Variants in B3GALT1 observed in about 807,000 individuals in gnomAD.
The protein encoded by B3GALT1 is beta-1,3-galactosyltransferase 1, also known as UDP-Gal:betaGlcNAc beta 1,3-galactosyltransferase, polypeptide 1.
In B3GALT1, 10 loss-of-function variants were observed where a neutral mutation model predicts 23.2. The ratio of observed to expected loss-of-function variants is 0.43; its 90% CI spans 0.27 to 0.73. B3GALT1 has a LOEUF of 0.73. Ranked by LOEUF, B3GALT1 falls within the 30% of genes least tolerant of loss-of-function variation. The pLI, the probability that B3GALT1 is intolerant of heterozygous loss-of-function variation, is 0.21. For missense variants in B3GALT1, 299 were observed against 405.4 expected, an observed-to-expected ratio of 0.74 and a Z score of 2.25; for synonymous variants, 156 against 141.5, an observed-to-expected ratio of 1.10 and a Z score of -0.73.
chr2:167,820,307 G>A (rs1199116004), intron 4 of B3GALT1, among the ~76,000 whole-genome samples: 1 of 152,242 alleles, frequency 6.6e-6, no homozygotes, highest in African/African-American at 2.4e-5. Flanking sequence ...GGTGGAACCT[G>A]CTTTAGAAAG....
chr2:167,579,023 C>T (rs372092703), intron 2 of B3GALT1, among the ~76,000 whole-genome samples: 4 of 152,122 alleles, frequency 2.6e-5, no homozygotes, highest in South Asian at 4.1e-4. Context: ...GGTAATAGGG[C>T]GAAGCACTAA....
intron 1 of B3GALT1, among the ~76,000 whole-genome samples, chr2:167,389,957 G>A (rs996863258): frequency 6.7e-6 from 1 of 149,946 alleles, no homozygotes; most frequent in African/African-American, 2.5e-5. Context: ...GAAAACCATC[G>A]CATGAGAAGA....
chr2:167,782,708 C>T (rs999416368), intron 3 of B3GALT1, among the ~76,000 whole-genome samples: 1 of 152,104 alleles, frequency 6.6e-6, no homozygotes, highest in Non-Finnish European at 1.5e-5. Context: ...ACAGGGTGTG[C>T]ATGTTAAGAT....
rs568961535 is a variant in B3GALT1 at position 167,766,654 on chromosome 2, T to C, written c.-351-52018T>C. On this transcript the variant is annotated intron_variant, in intron 3 of 4. Coordinates refer to ENST00000392690, the MANE Select transcript of B3GALT1 (RefSeq NM_020981.4). ...TTCAGAAGGAGCCAAATCATGACTA[T>C]AAAGTGGAATGCCTAATGATTTCCC... 3.9e-5 allele frequency among the ~76,000 whole-genome samples: 6 copies of C among 152,306 alleles called. No individual in the cohort carries two copies. In the East Asian group the frequency reaches 1.2e-3, roughly 29 times the overall value.
chr2:167,429,781 G>A (rs1484009930), intron 1 of B3GALT1, among the ~76,000 whole-genome samples: 1 of 152,166 alleles, frequency 6.6e-6, no homozygotes, highest in Non-Finnish European at 1.5e-5. Flanking sequence ...CAACGTCATA[G>A]GGATGTGAGG....
intron 1 of B3GALT1, among the ~76,000 whole-genome samples, chr2:167,429,484 A>G (rs903805855): frequency 1.4e-4 from 22 of 152,284 alleles, no homozygotes; most frequent in Middle Eastern, 6.8e-3. Flanking sequence ...AACATGAACC[A>G]AGTATCTAGA....
chr2:167,643,482 G>T (rs181486115), intron 2 of B3GALT1, among the ~76,000 whole-genome samples: 18 of 152,248 alleles, frequency 1.2e-4, no homozygotes, highest in Non-Finnish European at 2.5e-4. Flanking sequence ...AAGAAAAAAT[G>T]TGAAACCAAA....
Position 167,343,985 on chromosome 2 carries a change from C to T in B3GALT1, c.-511+50651C>T, listed in dbSNP as rs185557561. ...GGATCACGGTTTAAAACCTTGCCTC[C>T]AGAGAAAGAAAAGGGAGAAGGGAGT... On this transcript the variant is annotated intron_variant, in intron 1 of 4. Coordinates refer to ENST00000392690, the MANE Select transcript of B3GALT1 (RefSeq NM_020981.4). 9.7e-4 allele frequency among the ~76,000 whole-genome samples: 147 copies of T among 152,174 alleles called. 1 individual carries two copies. Among genetic ancestry groups the T allele is most frequent in the African/African-American group, 3.3e-3 (138 of 41,510 alleles).
intron 2 of B3GALT1, among the ~76,000 whole-genome samples, chr2:167,502,900 A>G (rs1041035755): frequency 6.6e-6 from 1 of 152,012 alleles, no homozygotes; most frequent in African/African-American, 2.4e-5. Flanking sequence ...TTAGCTGGGC[A>G]TGGTGGCAGG....
At chr2:167,680,546 A>G (rs1371083613) in intron 3 of B3GALT1, among the ~76,000 whole-genome samples, 1 of 91,666 alleles carries the variant, frequency 1.1e-5, no homozygotes, top group African/African-American at 3.3e-5. Flanking sequence ...CTAAAAACCT[A>G]TTCCCTCTAT....
chr2:167,560,091 A>G (rs1683943047), intron 2 of B3GALT1, among the ~76,000 whole-genome samples: 1 of 152,232 alleles, frequency 6.6e-6, no homozygotes, highest in South Asian at 2.1e-4. Flanking sequence ...AGCCCATCAG[A>G]CTAACAGCAG....
chr2:167,657,891 C>T (rs983006523), intron 3 of B3GALT1, among the ~76,000 whole-genome samples: 4 of 151,996 alleles, frequency 2.6e-5, no homozygotes, highest in African/African-American at 9.7e-5. Flanking sequence ...CCCAAGCATA[C>T]AGTATTATTT....
At chr2:167,736,625 G>C (rs1187810524) in intron 3 of B3GALT1, among the ~76,000 whole-genome samples, 1 of 152,202 alleles carries the variant, frequency 6.6e-6, no homozygotes, top group African/African-American at 2.4e-5. Context: ...AATGAGGCTG[G>C]ATGCAGTGGC....
chr2:167,661,930 T>A (rs1029754304), intron 3 of B3GALT1, among the ~76,000 whole-genome samples: 5 of 152,052 alleles, frequency 3.3e-5, no homozygotes, highest in Admixed American at 3.3e-4. Flanking sequence ...ACAAGTAGGA[T>A]AGCATATACC....
chr2:167,807,851 T>A (rs1398836119), intron 3 of B3GALT1, among the ~76,000 whole-genome samples: 3 of 152,236 alleles, frequency 2.0e-5, no homozygotes, highest in Admixed American at 2.0e-4. Context: ...CAGAGCTGAG[T>A]TCAATTCCTG....
intron 3 of B3GALT1, among the ~76,000 whole-genome samples, chr2:167,760,452 C>T (rs6433011): frequency 0.58 from 88,113 of 151,944 alleles, 26,770 homozygotes; most frequent in East Asian, 0.85. Context: ...CAGCAGCAAT[C>T]GTCCTCTGTA....
chr2:167,577,938 A>G (rs901590011), intron 2 of B3GALT1, among the ~76,000 whole-genome samples: 1 of 151,968 alleles, frequency 6.6e-6, no homozygotes, highest in Non-Finnish European at 1.5e-5. Context: ...CTGTAGTCCT[A>G]TTAGACACTT....
intron 1 of B3GALT1, among the ~76,000 whole-genome samples, chr2:167,384,427 G>A (rs1457570753): frequency 1.3e-5 from 2 of 152,074 alleles, no homozygotes; most frequent in Non-Finnish European, 2.9e-5. Flanking sequence ...GATCTTAAGG[G>A]TAATTTGGGC....
intron 4 of B3GALT1, among the ~76,000 whole-genome samples, chr2:167,827,950 C>G (rs1389374865): frequency 6.6e-6 from 1 of 152,162 alleles, no homozygotes; most frequent in African/African-American, 2.4e-5. Flanking sequence ...CCGTCACAAC[C>G]ACAGCATTCA....
Sources: allele counts gnomAD v4.1 joint callset (sites outside exome capture counted in the v4.1 genomes callset), GRCh38; gene constraint gnomAD v4.1.1; transcripts MANE v1.5; gene names NCBI Gene and HGNC (gene_info 2026-07-23, HGNC 2026-07-21).